Variants in PLA2G5 observed in about 807,000 individuals in gnomAD.
The protein encoded by PLA2G5 is Ca2+-dependent phospholipase A2.
PLA2G5 carries 12 observed loss-of-function variants against 15.9 expected under a neutral mutation model. The observed-to-expected ratio is 0.76, with a 90% confidence interval of 0.48 to 1.23. PLA2G5 has a LOEUF of 1.23. Among genes scored for constraint, PLA2G5 ranks in the 50% most tolerant of loss-of-function variants. The pLI is 0.00. For synonymous variants in PLA2G5, 71 were observed against 71.4 expected, an observed-to-expected ratio of 0.99 and a Z score of 0.03; for missense variants, 169 against 177.1, an observed-to-expected ratio of 0.95 and a Z score of 0.26.
In PLA2G5 at chr1:20,090,892, G is replaced by A; in HGVS notation, c.*200G>A. ...GACTCTGGTCATAGGACTTGGTAGGGTCCCAGGGTCCCTAGGCCTCCACTT... is the reference window on the plus strand; with the variant it reads ...GACTCTGGTCATAGGACTTGGTAGGATCCCAGGGTCCCTAGGCCTCCACTT... On this transcript the variant is annotated 3_prime_UTR_variant, in exon 5 of 5. Transcript: ENST00000375108. The A allele has an allele frequency of 1.8e-6, 1 of 548,334 alleles. No individual in the cohort carries two copies. The allele number at this position is 548,334 out of a possible 1,614,324, so 34.0% of individuals were successfully genotyped here.
chr1:20,047,691 A>T (rs770776122), intron 1 of PLA2G5, among the ~76,000 whole-genome samples: 7 of 151,510 alleles, frequency 4.6e-5, no homozygotes, highest in Non-Finnish European at 1.0e-4. Flanking sequence ...TCATGGCTAA[A>T]GTTCTGAAGT....
intron 1 of PLA2G5, among the ~76,000 whole-genome samples, chr1:20,038,403 A>C (rs1356879263): frequency 6.6e-6 from 1 of 152,208 alleles, no homozygotes; most frequent in Non-Finnish European, 1.5e-5. Context: ...GACCCCTGTG[A>C]GACAACGTCA....
rs145315746 is a variant in PLA2G5 at position 20,045,950 on chromosome 1, C to T, written n.277-13682C>T. Among the ~76,000 whole-genome samples the T allele has an allele frequency of 1.5e-3, 222 of 152,230 alleles. 1 individual carries two copies. Among genetic ancestry groups the T allele is most frequent in the African/African-American group, 5.0e-3 (206 of 41,544 alleles). ...AGTTTATTTTGCTGTACAACTCTAC[C>T]CACCCCATCCTTTTTTTTTGAGTTT... On this transcript the variant is annotated intron_variant and non_coding_transcript_variant, in intron 1 of 6. Transcript: ENST00000460175.
intron 1 of PLA2G5, among the ~76,000 whole-genome samples, chr1:20,045,757 T>G (rs779836608): frequency 1.1e-4 from 16 of 152,106 alleles, no homozygotes; most frequent in Non-Finnish European, 2.4e-4. Context: ...CAGTGGAGGC[T>G]CCCCTATCCA....
At chr1:20,035,486 AT>A (rs1429004232) in intron 1 of PLA2G5, among the ~76,000 whole-genome samples, 2 of 152,212 alleles carry the variant, frequency 1.3e-5, no homozygotes, top group African/African-American at 4.8e-5. Context: ...AATAGTGGGC[AT>A]CTTACAAAAT....
In PLA2G5 at chr1:20,091,021, T is replaced by C. The variant is rs961950659; in HGVS notation, c.*329T>C. 1.3e-5 allele frequency: 3 copies of C among 231,428 alleles called. No individual in the cohort carries two copies. The highest frequency in any genetic ancestry group is 2.5e-5 in the Non-Finnish European group (3 of 117,878). The allele number at this position is 231,428 out of a possible 1,614,324, so 14.3% of individuals were successfully genotyped here. ...CGTCCTGGCTCCAGTTGGAACACTT[T>C]CCTGAGATGCACTTACTTCTCAGCT... On this transcript the variant is annotated 3_prime_UTR_variant, in exon 5 of 5. Transcript: ENST00000375108.
At chr1:20,061,879 G>A (rs1287853385) in intron 2 of PLA2G5, among the ~76,000 whole-genome samples, 8 of 152,204 alleles carry the variant, frequency 5.3e-5, no homozygotes, top group South Asian at 2.1e-4. Flanking sequence ...AACACAGTTC[G>A]GATGTTTGTC....
At chr1:20,073,585 C>T (rs2015501491) in intron 1 of PLA2G5, among the ~76,000 whole-genome samples, 1 of 152,168 alleles carries the variant, frequency 6.6e-6, no homozygotes, top group Non-Finnish European at 1.5e-5. Context: ...TTATCAGCCA[C>T]CAGATATGCA....
At chr1:20,057,931 T>C (rs1023208095) in intron 1 of PLA2G5, among the ~76,000 whole-genome samples, 1 of 152,248 alleles carries the variant, frequency 6.6e-6, no homozygotes, top group Non-Finnish European at 1.5e-5. Context: ...TATTCTGAGA[T>C]TTTCTAGCTA....
intron 1 of PLA2G5, among the ~76,000 whole-genome samples, chr1:20,032,514 G>A (rs887961810): frequency 6.6e-6 from 1 of 152,126 alleles, no homozygotes; most frequent in Non-Finnish European, 1.5e-5. Flanking sequence ...CTGGTGTGTG[G>A]GGAAAGGAGG....
intron 1 of PLA2G5, among the ~76,000 whole-genome samples, chr1:20,043,303 G>A (rs976008051): frequency 1.3e-5 from 2 of 152,210 alleles, no homozygotes; most frequent in African/African-American, 4.8e-5. Context: ...CGTAGGACTT[G>A]TCCAGTTTTT....
chr1:20,078,843 A>C (rs2015840825), intron 1 of PLA2G5, among the ~76,000 whole-genome samples: 1 of 152,236 alleles, frequency 6.6e-6, no homozygotes, highest in African/African-American at 2.4e-5. Context: ...ACAGTGGCTC[A>C]TGCCTGTCAT....
At chr1:20,047,767 T>C (rs114015978) in intron 1 of PLA2G5, among the ~76,000 whole-genome samples, 3,714 of 151,728 alleles carry the variant, frequency 0.024, 68 homozygotes, top group Non-Finnish European at 0.038. Context: ...TATGTGTATA[T>C]ATTTAAAAGG....
upstream of PLA2G5, among the ~76,000 whole-genome samples, chr1:20,068,555 G>A (rs999611013): frequency 6.0e-5 from 9 of 151,062 alleles, no homozygotes; most frequent in Non-Finnish European, 5.9e-5. Flanking sequence ...GGGTTCAAGC[G>A]ATTCTCCTGC....
At chr1:20,048,562 T>G (rs2014032711) in intron 1 of PLA2G5, among the ~76,000 whole-genome samples, 2 of 152,198 alleles carry the variant, frequency 1.3e-5, no homozygotes, top group African/African-American at 2.4e-5. Context: ...CCACAGACAG[T>G]AAGGTTTGTT....
At chr1:20,080,652 T>C (rs1446089234) in intron 1 of PLA2G5, among the ~76,000 whole-genome samples, 1 of 151,792 alleles carries the variant, frequency 6.6e-6, no homozygotes, top group African/African-American at 2.4e-5. Flanking sequence ...TGTGCCAGGG[T>C]GAGGGGAAGT....
At chr1:20,045,335 C>G (rs1357373576) in intron 1 of PLA2G5, among the ~76,000 whole-genome samples, 1 of 151,958 alleles carries the variant, frequency 6.6e-6, no homozygotes, top group Non-Finnish European at 1.5e-5. Flanking sequence ...TGCTTGCTAC[C>G]AAGGTGAAAG....
upstream of PLA2G5, among the ~76,000 whole-genome samples, chr1:20,066,899 G>A (rs1408676794): frequency 6.6e-6 from 1 of 152,156 alleles, no homozygotes; most frequent in Admixed American, 6.5e-5. Flanking sequence ...CGAGCTACTT[G>A]GGAGGCTTGG....
intron 3 of PLA2G5, among the ~76,000 whole-genome samples, chr1:20,088,543 G>T (rs925311322): frequency 1.3e-5 from 2 of 151,012 alleles, no homozygotes; most frequent in African/African-American, 4.9e-5. Context: ...TATCAATATT[G>T]GTTCATTAAT....
Sources: allele counts gnomAD v4.1 joint callset (sites outside exome capture counted in the v4.1 genomes callset), GRCh38; gene constraint gnomAD v4.1.1; transcripts MANE v1.5; gene names NCBI Gene and HGNC (gene_info 2026-07-23, HGNC 2026-07-21).